ZDHHC18: variants seen among roughly 807,000 people sequenced by gnomAD.
The protein encoded by ZDHHC18 is zDHHC palmitoyltransferase 18.
ZDHHC18 carries 23 observed loss-of-function variants against 37.5 expected under a neutral mutation model. The observed-to-expected ratio is 0.61, with a 90% confidence interval of 0.44 to 0.87. The LOEUF is 0.87. ZDHHC18 is among the 40% of genes least tolerant of loss of function. ZDHHC18 has a pLI of 0.00. For synonymous variants in ZDHHC18, 185 were observed against 218.7 expected (o/e 0.85, Z 1.36); for missense variants, 406 against 525.6 (o/e 0.77, Z 2.22).
rs114950807 is a variant in ZDHHC18 at position 26,837,930 on chromosome 1, G to A, written c.496+5323G>A. On this transcript the variant is annotated intron_variant, in intron 2 of 7. Transcript: ENST00000374142. ...GTTTGCTTGTGCTTGTGCTGTCCCC[G>A]CCTGCCGTGGTGAGCCAGAGTGCTC... Among the ~76,000 whole-genome samples, 618 of 151,926 alleles carry A rather than the reference G, an allele frequency of 4.1e-3. 9 individuals are homozygous for A. Among genetic ancestry groups the A allele is most frequent in the African/African-American group, 0.013 (556 of 41,444 alleles).
At chr1:26,838,795 A>T (rs2081625006) in intron 2 of ZDHHC18, among the ~76,000 whole-genome samples, 1 of 152,236 alleles carries the variant, frequency 6.6e-6, no homozygotes, top group Non-Finnish European at 1.5e-5. Flanking sequence ...CTCTGCCCTC[A>T]GGCGGGCTCT....
intron 2 of ZDHHC18, among the ~76,000 whole-genome samples, chr1:26,835,878 C>T (rs2081609214): frequency 6.6e-6 from 1 of 152,154 alleles, no homozygotes. Context: ...TTTGGCACCC[C>T]AGCCCAGCAA....
chr1:26,828,924 AC>A (rs1215830253), intron 1 of ZDHHC18, among the ~76,000 whole-genome samples: 1 of 152,058 alleles, frequency 6.6e-6, no homozygotes, highest in East Asian at 1.9e-4. Context: ...GCCGTGGTTG[AC>A]CCACATGACC....
rs115902410 is a variant in ZDHHC18, at chr1:26,849,870, G to A, written c.647-431G>A. Among the ~76,000 whole-genome samples the A allele has an allele frequency of 5.6e-3, 858 of 152,344 alleles. 7 individuals carry two copies. Among genetic ancestry groups the A allele is most frequent in the African/African-American group, 0.018 (752 of 41,570 alleles). On this transcript the variant is annotated intron_variant, in intron 3 of 7. Coordinates refer to ENST00000374142, the MANE Select transcript of ZDHHC18 (RefSeq NM_032283.3). ...CTCTGGATCCTGGGGAGTCAGCATG[G>A]TGTAAGACCAGCACAGCCCCCCTCG... is the stretch of plus-strand genomic sequence containing the variant.
chr1:26,829,068 C>T (rs1272547633), intron 1 of ZDHHC18, among the ~76,000 whole-genome samples: 2 of 152,104 alleles, frequency 1.3e-5, no homozygotes, highest in East Asian at 1.9e-4. Context: ...GGGGAGAGCT[C>T]GTGAACCATG....
chr1:26,833,724 G>T (rs1450919945), intron 2 of ZDHHC18, among the ~76,000 whole-genome samples: 1 of 152,070 alleles, frequency 6.6e-6, no homozygotes, highest in Non-Finnish European at 1.5e-5. Flanking sequence ...CACCTCGGGG[G>T]TTTCCGGTCC....
Position 26,848,623 on chromosome 1 carries a change from C to T in ZDHHC18, c.512C>T (p.Ser171Phe). The T allele has an allele frequency of 6.2e-7, 1 of 1,613,338 alleles. No individual in the cohort carries two copies. The highest frequency in any genetic ancestry group is 8.5e-7 in the Non-Finnish European group (1 of 1,179,298). The change falls in exon 3 of 8, where the codon TCT (serine) becomes TTT (phenylalanine). Residue 171 changes from serine to phenylalanine, a missense_variant. Transcript: ENST00000374142. ...CTTCCCTCAGACAACACAGGCAGTT[C>T]TACATACCGGCCACCCCCTCGGACC... ...LEKQIDNTGS[S>F]TYRPPPRTRE...
Position 26,850,192 on chromosome 1 carries a change from T to C in ZDHHC18, c.647-109T>C. ...CCAAGGCCTGGGAGCCAGCTGGTGC[T>C]GCGAGAGTGAACGGGGTAGGAAAGC... On this transcript the variant is annotated intron_variant, in intron 3 of 7. Coordinates refer to ENST00000374142, the MANE Select transcript of ZDHHC18 (RefSeq NM_032283.3). This position sits in a 1 kb window ranked among gnomAD's most constrained non-coding sequence, Gnocchi z 6.1. 1.7e-5 allele frequency: 24 copies of C among 1,405,418 alleles called. No homozygotes were observed. Among genetic ancestry groups the C allele is most frequent in the Non-Finnish European group, 2.3e-5 (24 of 1,034,000 alleles). The allele number at this position is 1,405,418 out of a possible 1,614,324, so 87.1% of individuals were successfully genotyped here.
intron 1 of ZDHHC18, among the ~76,000 whole-genome samples, chr1:26,827,676 C>A (rs1235403617): frequency 6.6e-6 from 1 of 152,168 alleles, no homozygotes; most frequent in Non-Finnish European, 1.5e-5. Flanking sequence ...CTCTCCGGGT[C>A]CCTCCAGGGT....
chr1:26,853,583 C>T, intron 7 of ZDHHC18, 143 bp from the exon 8 acceptor site: 2 of 804,892 alleles, frequency 2.5e-6, no homozygotes, highest in East Asian at 2.5e-5. Flanking sequence ...GTCTTGGGCC[C>T]CCAGATGGGC....
chr1:26,836,815 G>A (rs1421783816), intron 2 of ZDHHC18, among the ~76,000 whole-genome samples: 8 of 149,464 alleles, frequency 5.4e-5, no homozygotes, highest in Non-Finnish European at 8.9e-5. Context: ...TGATCCGCCC[G>A]TCTCAGCCTC....
At chr1:26,852,890 G>C (rs765367288) in intron 7 of ZDHHC18, 25 bp downstream of exon 7, 1 of 1,606,968 alleles carries the variant, frequency 6.2e-7, no homozygotes, top group South Asian at 1.1e-5. Context: ...TGCGGAAGAG[G>C]GGTAACAGGG....
rs1354245714 is a variant in ZDHHC18, at chr1:26,851,035, G to A, written c.834-94G>A. ...GGTTCCAAAACTTCTCAGCTCTCTGGGGAAACAGCTCCATGGAAGGATAGG... is the reference window on the plus strand; with the variant it reads ...GGTTCCAAAACTTCTCAGCTCTCTGAGGAAACAGCTCCATGGAAGGATAGG... On this transcript the variant is annotated intron_variant, in intron 5 of 7. Transcript: ENST00000374142. 3.2e-6 allele frequency: 4 copies of A among 1,234,580 alleles called. No individual in the cohort carries two copies. The Admixed American group carries it at 7.1e-5, about 22-fold the overall frequency. The allele number at this position is 1,234,580 out of a possible 1,614,324, so 76.5% of individuals were successfully genotyped here. A position where few individuals can be genotyped will look rare whatever the true frequency, so the allele number is the denominator to read the frequency against.
rs2081713084 is a variant in ZDHHC18, at chr1:26,852,823, T to C, written c.1007T>C (p.Ile336Thr). The change falls in exon 7 of 8, where the codon ATC (isoleucine) becomes ACC (threonine). Residue 336 changes from isoleucine (I) to threonine (T), a missense_variant. Physicochemically the swap from Ile to Thr is moderately conservative, Grantham distance 89. Transcript: ENST00000374142. The stretch of plus-strand genomic sequence containing the variant: ...AACCCCTACAGCCATAAAAGTATTA[T>C]CACCAACTGCTGTGCTGTGCTCTGT... ...SVNPYSHKSIITNCCAVLCGP... is the reference protein window; with the variant it reads ...SVNPYSHKSITTNCCAVLCGP... The C allele has an allele frequency of 1.2e-6, 2 of 1,614,068 alleles. No homozygotes were observed. Among genetic ancestry groups the C allele is most frequent in the Non-Finnish European group, 1.7e-6 (2 of 1,179,976 alleles).
In ZDHHC18 at chr1:26,852,848, T is replaced by C; in HGVS notation, c.1032T>C (p.Cys344=). The change falls in exon 7 of 8, where the codon TGT becomes TGC. Residue 344 remains cysteine, a synonymous_variant. Transcript: ENST00000374142. The part of the protein sequence containing the change: ...SIITNCCAVL[C]GPLPPSLIDR... The stretch of plus-strand genomic sequence containing the variant: ...TCACCAACTGCTGTGCTGTGCTCTG[T>C]GGCCCCCTACCTCCCAGGTAAGTGA... 6.2e-7 allele frequency: 1 copy of C among 1,613,992 alleles called. No individual in the cohort carries two copies. Among genetic ancestry groups the C allele is most frequent in the Non-Finnish European group, 8.5e-7 (1 of 1,179,922 alleles).
chr1:26,837,963 C>T (rs2081621346), intron 2 of ZDHHC18, among the ~76,000 whole-genome samples: 1 of 151,716 alleles, frequency 6.6e-6, no homozygotes, highest in Non-Finnish European at 1.5e-5. Flanking sequence ...CTCATTCTTT[C>T]TGATCCAGCT....
rs2081559860 is a variant in ZDHHC18, at chr1:26,826,934, G to C, written c.130G>C (p.Ala44Pro). The C allele has an allele frequency of 1.0e-5, 11 of 1,100,178 alleles. No homozygotes were observed. In the South Asian group the frequency reaches 3.9e-4, roughly 39 times the overall value. The allele number at this position is 1,100,178 out of a possible 1,614,324, so 68.2% of individuals were successfully genotyped here. A position where few individuals can be genotyped will look rare whatever the true frequency, so the allele number is the denominator to read the frequency against. Residue 44 changes from alanine to proline, a missense_variant, in exon 1 of 8, where the codon GCC becomes CCC. Coordinates refer to ENST00000374142, the MANE Select transcript of ZDHHC18 (RefSeq NM_032283.3). The surrounding 1 kb of genome is among the most constrained non-coding windows in gnomAD (Gnocchi z 5.2). ...CGGGCCCGCGCCGCCCGCCGCCCCCGCCCCGCCGCGCTGGAGCAGCAGCGG... is the reference window on the plus strand; with the variant it reads ...CGGGCCCGCGCCGCCCGCCGCCCCCCCCCCGCCGCGCTGGAGCAGCAGCGG... Reference protein sequence around the residue: ...GPGPAPPAAPAPPRWSSSGSG... With the variant: ...GPGPAPPAAPPPPRWSSSGSG...
intron 3 of ZDHHC18, among the ~76,000 whole-genome samples, chr1:26,849,324 A>G (rs931468421): frequency 5.3e-5 from 8 of 152,132 alleles, no homozygotes; most frequent in Non-Finnish European, 8.8e-5. Flanking sequence ...GAGGCTGTGT[A>G]GTTCTGATGG....
At chr1:26,853,646 A>G (rs1273838551) in intron 7 of ZDHHC18, 80 bp from the exon 8 acceptor site, 12 of 1,354,590 alleles carry the variant, frequency 8.9e-6, no homozygotes. Flanking sequence ...CTTGGCTGAG[A>G]TAGACTCTGC....
Sources: allele counts gnomAD v4.1 joint callset (sites outside exome capture counted in the v4.1 genomes callset), GRCh38; gene constraint gnomAD v4.1.1; non-coding constraint Gnocchi (gnomAD v3.1); transcripts MANE v1.5; gene names NCBI Gene and HGNC (gene_info 2026-07-23, HGNC 2026-07-21).